FAR2: variants seen among roughly 807,000 people sequenced by gnomAD.
FAR2 encodes the protein epididymis secretory protein Li 81.
In FAR2, 19 loss-of-function variants were observed where a neutral mutation model predicts 56.0. The observed-to-expected ratio is 0.34, with a 90% CI of 0.24 to 0.50. The LOEUF (loss-of-function observed/expected upper bound fraction) is 0.50, where lower values mean the gene tolerates loss of function less well. Ranked by LOEUF, FAR2 falls within the 20% of genes least tolerant of loss-of-function variation. FAR2 has a pLI of 0.98. For missense variants in FAR2, 508 were observed against 642.2 expected, an observed-to-expected ratio of 0.79 and a Z score of 2.26; for synonymous variants, 219 against 218.8, an observed-to-expected ratio of 1.00 and a Z score of -0.01.
chr12:29,286,932 G>A (rs988053703), intron 2 of FAR2, among the ~76,000 whole-genome samples: 1 of 152,074 alleles, frequency 6.6e-6, no homozygotes, highest in African/African-American at 2.4e-5. Context: ...CACAGAATAC[G>A]ATAGTCAGGT....
chr12:29,213,348 T>C (rs1047172113), intron 1 of FAR2, among the ~76,000 whole-genome samples: 3 of 152,128 alleles, frequency 2.0e-5, no homozygotes, highest in East Asian at 1.9e-4. Context: ...TGAGGGCACA[T>C]ATGAGCACTG....
At chr12:29,310,974 C>T in intron 6 of FAR2, 54 bp from the exon 7 acceptor site, 1 of 1,323,332 alleles carries the variant, frequency 7.6e-7, no homozygotes, top group Non-Finnish European at 1.1e-6. Context: ...ATACTTTAGC[C>T]CCAGCTATTA....
intron 1 of FAR2, among the ~76,000 whole-genome samples, chr12:29,203,892 C>G (rs370988537): frequency 7.1e-6 from 1 of 140,632 alleles, no homozygotes; most frequent in Non-Finnish European, 1.5e-5. Flanking sequence ...CCCAGCTACT[C>G]GGGAGGCTGA....
intron 1 of FAR2, among the ~76,000 whole-genome samples, chr12:29,152,678 G>A (rs979173554): frequency 2.0e-5 from 3 of 152,184 alleles, no homozygotes; most frequent in Non-Finnish European, 4.4e-5. Flanking sequence ...CCTGTATTCA[G>A]TAAACTTATG....
chr12:29,280,084 C>A (rs1405674924), intron 2 of FAR2, among the ~76,000 whole-genome samples: 1 of 152,132 alleles, frequency 6.6e-6, no homozygotes, highest in African/African-American at 2.4e-5. Context: ...GCCACCATGC[C>A]TAGCTAATTT....
At position 29,181,812 on chromosome 12, in the gene FAR2, A is replaced by T. The variant is rs1243735107; in HGVS notation, c.-39+32405A>T. ...TTGATTCTACCTATTGGCATTTAAG[A>T]ATATTCAAGAATATCCCATCTTAAA... On this transcript the variant is annotated intron_variant, in intron 1 of 11. Coordinates refer to ENST00000536681, the MANE Select transcript of FAR2 (RefSeq NM_001271783.2). Among the ~76,000 whole-genome samples, 8 of 152,372 alleles carry T rather than the reference A, an allele frequency of 5.3e-5. 1 individual carries two copies. In the South Asian group the frequency reaches 1.7e-3, roughly 32 times the overall value.
intron 9 of FAR2, among the ~76,000 whole-genome samples, chr12:29,321,206 C>A (rs1292170752): frequency 6.6e-6 from 1 of 151,872 alleles, no homozygotes; most frequent in Non-Finnish European, 1.5e-5. Context: ...CTATCAACTT[C>A]TTAAAATACA....
intron 1 of FAR2, among the ~76,000 whole-genome samples, chr12:29,199,599 C>CA (rs774461038): frequency 0.52 from 55,331 of 105,720 alleles, 13,036 homozygotes; most frequent in Admixed American, 0.63. Context: ...GACCCCGTCT[C>CA]AAAAAAAAAA....
At chr12:29,172,309 C>T (rs989814992) in intron 1 of FAR2, among the ~76,000 whole-genome samples, 2 of 152,268 alleles carry the variant, frequency 1.3e-5, no homozygotes, top group Non-Finnish European at 2.9e-5. Flanking sequence ...TGTTAAGTGA[C>T]AGCCTTGTGT....
chr12:29,218,165 G>A (rs985953937), intron 1 of FAR2, among the ~76,000 whole-genome samples: 3 of 152,044 alleles, frequency 2.0e-5, no homozygotes, highest in African/African-American at 7.2e-5. Flanking sequence ...GACCATCCTG[G>A]CTAACACGGT....
intron 10 of FAR2, among the ~76,000 whole-genome samples, chr12:29,324,485 A>G (rs888426671): frequency 7.2e-5 from 11 of 152,244 alleles, no homozygotes; most frequent in African/African-American, 2.7e-4. Context: ...AAAAGTGTTA[A>G]GAGCAGCCAG....
chr12:29,265,589 A>G (rs1948501123), intron 1 of FAR2, among the ~76,000 whole-genome samples: 1 of 152,152 alleles, frequency 6.6e-6, no homozygotes, highest in Non-Finnish European at 1.5e-5. Context: ...AGAAAACATC[A>G]GGGAAAGTCT....
chr12:29,303,776 G>C (rs1369433789), intron 4 of FAR2, among the ~76,000 whole-genome samples: 1 of 152,248 alleles, frequency 6.6e-6, no homozygotes, highest in East Asian at 1.9e-4. Flanking sequence ...GGATGGCACA[G>C]CTTCAAAATG....
At chr12:29,311,694 A>ACACACACACAC (rs397953251) in intron 7 of FAR2, among the ~76,000 whole-genome samples, 189 bp from the exon 8 acceptor site, 2 of 150,810 alleles carry the variant, frequency 1.3e-5, no homozygotes, top group Middle Eastern at 3.4e-3. Context: ...ACACACACAC[A>ACACACACACAC]TGCTTTTCCT....
intron 1 of FAR2, among the ~76,000 whole-genome samples, chr12:29,161,116 A>G (rs1728141525): frequency 6.6e-6 from 1 of 152,228 alleles, no homozygotes; most frequent in Admixed American, 6.5e-5. Flanking sequence ...TCTTCTCCAC[A>G]TGATCTTTAT....
In FAR2 at chr12:29,311,557, A is replaced by G. The variant is rs187602373; in HGVS notation, c.888-326A>G. Among the ~76,000 whole-genome samples the G allele has an allele frequency of 3.5e-3, 534 of 151,888 alleles. 2 individuals are homozygous for G. Among genetic ancestry groups the G allele is most frequent in the Non-Finnish European group, 5.8e-3 (394 of 67,926 alleles). On this transcript the variant is annotated intron_variant, in intron 7 of 11. Transcript: ENST00000536681. ...GTGGGGAAGCTTCCTGGTACAAAGGAAAAAAAATAGGTTGTTCATATATTT... is the reference window on the plus strand; with the variant it reads ...GTGGGGAAGCTTCCTGGTACAAAGGGAAAAAAATAGGTTGTTCATATATTT...
chr12:29,154,467 C>G (rs1166348822), intron 1 of FAR2, among the ~76,000 whole-genome samples: 1 of 150,964 alleles, frequency 6.6e-6, no homozygotes, highest in Non-Finnish European at 1.5e-5. Context: ...CAGAGTCTCT[C>G]TCTCTTGCCC....
intron 1 of FAR2, among the ~76,000 whole-genome samples, chr12:29,150,091 T>C (rs1307347781): frequency 1.3e-5 from 2 of 152,166 alleles, no homozygotes; most frequent in African/African-American, 4.8e-5. Flanking sequence ...CTGGGCATCC[T>C]GGGGGTGTGC....
rs760880258 is a variant in FAR2 at position 29,270,476 on chromosome 12, C to T, written c.27C>T (p.Gly9=). 35 of 1,593,986 alleles carry T rather than the reference C, an allele frequency of 2.2e-5. No homozygotes were observed. The highest frequency in any genetic ancestry group is 7.9e-5 in the South Asian group (7 of 88,882). MSTIAAFY[G]GKSILITGAT... is the part of the protein sequence containing the mutation. ...TGTCCACAATTGCAGCTTTCTATGGCGGCAAGTCCATTCTCATCACGGGGG... is the reference window on the plus strand; with the variant it reads ...TGTCCACAATTGCAGCTTTCTATGGTGGCAAGTCCATTCTCATCACGGGGG... The change falls in exon 2 of 12, where the codon GGC becomes GGT. Residue 9 remains glycine (G), a synonymous_variant. Transcript: ENST00000536681.
Sources: gnomAD v4.1 joint callset for allele counts (sites outside exome capture counted in the v4.1 genomes callset) on GRCh38, gnomAD v4.1.1 for gene constraint, MANE v1.5 for transcripts, NCBI Gene and HGNC (gene_info 2026-07-23, HGNC 2026-07-21) for gene names.